ADGRD1: variants seen among roughly 807,000 people sequenced by gnomAD.
ADGRD1 encodes the protein G-protein coupled receptor 133.
ADGRD1 carries 77 observed loss-of-function variants against 113.4 expected under a neutral mutation model. The observed-to-expected ratio is 0.68, with a 90% CI of 0.57 to 0.82. The LOEUF is 0.82. ADGRD1 is among the 40% of genes least tolerant of loss of function. ADGRD1 has a pLI of 0.00. For missense variants in ADGRD1, 1,036 were observed against 1,139.1 expected, an observed-to-expected ratio of 0.91 and a Z score of 1.30; for synonymous variants, 474 against 475.0, an observed-to-expected ratio of 1.00 and a Z score of 0.03.
chr12:130,972,541 C>T (rs1871798235), intron 4 of ADGRD1, among the ~76,000 whole-genome samples: 2 of 152,114 alleles, frequency 1.3e-5, no homozygotes, highest in African/African-American at 4.8e-5. Context: ...AAACCACGGT[C>T]AGGTTTACAA....
intron 13 of ADGRD1, among the ~76,000 whole-genome samples, chr12:131,018,576 A>G (rs1878926050): frequency 6.6e-6 from 1 of 152,176 alleles, no homozygotes; most frequent in Non-Finnish European, 1.5e-5. Flanking sequence ...ATGTTAAACA[A>G]TCCCGCTCTT....
intron 15 of ADGRD1, among the ~76,000 whole-genome samples, chr12:131,101,395 T>C (rs1184471673): frequency 2.3e-5 from 3 of 128,026 alleles, no homozygotes; most frequent in Non-Finnish European, 4.9e-5. Context: ...TTTTTTTTTT[T>C]TTTTTTTTTG....
chr12:131,135,969 G>C, intron 21 of ADGRD1, 68 bp from the exon 22 acceptor site: 3 of 1,575,954 alleles, frequency 1.9e-6, no homozygotes, highest in Admixed American at 3.4e-5. Context: ...CTGGCGTCTC[G>C]AGGGCAGTCC....
chr12:130,963,266 G>T (rs1435527799), intron 2 of ADGRD1, among the ~76,000 whole-genome samples: 4 of 144,826 alleles, frequency 2.8e-5, no homozygotes, highest in Non-Finnish European at 5.9e-5. Context: ...CTTGCAGTGA[G>T]CCGAGATCGC....
chr12:131,023,737 A>T (rs936665836), intron 13 of ADGRD1: 1 of 152,182 alleles, frequency 6.6e-6, no homozygotes, highest in African/African-American at 2.4e-5. Flanking sequence ...CATATTTTGT[A>T]TAAATAACTT....
At chr12:131,078,167 C>G (rs1018776356) in intron 14 of ADGRD1, among the ~76,000 whole-genome samples, 1 of 152,248 alleles carries the variant, frequency 6.6e-6, no homozygotes, top group African/African-American at 2.4e-5. Context: ...TCTCTGCTCC[C>G]TGCACCCAGA....
In ADGRD1 at chr12:131,075,881, C is replaced by T. The variant is rs565220615; in HGVS notation, c.1474-920C>T. On this transcript the variant is annotated intron_variant, in intron 13 of 24. Transcript: ENST00000261654. This position sits in a 1 kb window ranked among gnomAD's most constrained non-coding sequence, Gnocchi z 5.3. ...ATGGGTCACAGAACAGAGCAGGCAT[C>T]GGACAAATAAGAGATGCTTGACTTG... 6.6e-6 allele frequency among the ~76,000 whole-genome samples: 1 copy of T among 152,302 alleles called. No individual in the cohort carries two copies. The highest frequency in any genetic ancestry group is 1.5e-5 in the Non-Finnish European group (1 of 68,028).
At chr12:131,074,836 G>A (rs1885456729) in intron 13 of ADGRD1, among the ~76,000 whole-genome samples, 1 of 152,216 alleles carries the variant, frequency 6.6e-6, no homozygotes, top group Non-Finnish European at 1.5e-5. Context: ...AGATCCAAGA[G>A]GAAGCTAGCT....
chr12:131,116,658 C>A (rs1950471716), intron 18 of ADGRD1, among the ~76,000 whole-genome samples: 3 of 152,220 alleles, frequency 2.0e-5, no homozygotes, highest in Admixed American at 2.0e-4. Context: ...TCTTCGTGCA[C>A]TTCCATCCCC....
intron 4 of ADGRD1, among the ~76,000 whole-genome samples, chr12:130,974,338 ATACTG>A (rs760085285): frequency 1.4e-3 from 208 of 152,348 alleles, no homozygotes; most frequent in Admixed American, 2.4e-3. Context: ...TTATTTTAAT[ATACTG>A]GGCGCATCAG....
At chr12:130,979,819 A>T (rs1488783439) in intron 4 of ADGRD1, among the ~76,000 whole-genome samples, 9 of 11,110 alleles carry the variant, frequency 8.1e-4, no homozygotes, top group South Asian at 5.7e-3. Context: ...CTAGTGTCTC[A>T]CACACACACA....
intron 13 of ADGRD1, among the ~76,000 whole-genome samples, chr12:131,045,113 C>T (rs992573970): frequency 5.9e-5 from 9 of 152,240 alleles, no homozygotes; most frequent in African/African-American, 1.7e-4. Context: ...CAGGGGGCCT[C>T]CAGGCAGGCA....
chr12:131,033,930 C>T (rs1420600192), intron 13 of ADGRD1, among the ~76,000 whole-genome samples: 2 of 152,152 alleles, frequency 1.3e-5, no homozygotes, highest in South Asian at 2.1e-4. Flanking sequence ...CACCCTCTGC[C>T]AGTCCTCCCC....
intron 13 of ADGRD1, among the ~76,000 whole-genome samples, chr12:131,062,715 A>G (rs1264446008): frequency 6.6e-6 from 1 of 152,212 alleles, no homozygotes; most frequent in African/African-American, 2.4e-5. Flanking sequence ...CTGTGAGTCC[A>G]TTAAACCTCT....
chr12:131,132,366 G>C (rs147589478), intron 21 of ADGRD1, among the ~76,000 whole-genome samples: 3 of 152,170 alleles, frequency 2.0e-5, no homozygotes, highest in Admixed American at 6.5e-5. Flanking sequence ...CACTGCCATC[G>C]GGGGTGTCCT....
At position 131,096,629 on chromosome 12, in the gene ADGRD1, G is replaced by T. The variant is rs564140830; in HGVS notation, c.1672-8202G>T. ...TTCCCGTGGGGCACTGCTGGTCCAG[G>T]TTTACATCCCGCCTCCATCTGTGAG... is the stretch of plus-strand genomic sequence containing the variant. On this transcript the variant is annotated intron_variant, in intron 15 of 24. Coordinates refer to ENST00000261654, the MANE Select transcript of ADGRD1 (RefSeq NM_198827.5). The surrounding 1 kb of genome is among the most constrained non-coding windows in gnomAD (Gnocchi z 5.2). Among the ~76,000 whole-genome samples the T allele has an allele frequency of 6.6e-6, 1 of 151,410 alleles. No homozygotes were observed. Among genetic ancestry groups the T allele is most frequent in the South Asian group, 2.1e-4 (1 of 4,710 alleles).
intron 13 of ADGRD1, among the ~76,000 whole-genome samples, chr12:131,044,185 A>C (rs1298601545): frequency 3.3e-5 from 5 of 152,212 alleles, no homozygotes; most frequent in Non-Finnish European, 5.9e-5. Context: ...GCAGCTGTGA[A>C]GTCCTAGCTA....
chr12:130,964,301 T>C (rs1870754127), intron 2 of ADGRD1, among the ~76,000 whole-genome samples: 1 of 152,188 alleles, frequency 6.6e-6, no homozygotes, highest in Non-Finnish European at 1.5e-5. Flanking sequence ...ATTGTTCTGG[T>C]ATAAAGAGTG....
At chr12:131,076,187 G>A (rs142416179) in intron 13 of ADGRD1, among the ~76,000 whole-genome samples, 2 of 152,350 alleles carry the variant, frequency 1.3e-5, no homozygotes, top group Non-Finnish European at 2.9e-5. Flanking sequence ...AGCACCTGCT[G>A]TATGCCAGAT....
Sources: allele counts gnomAD v4.1 joint callset (sites outside exome capture counted in the v4.1 genomes callset), GRCh38; gene constraint gnomAD v4.1.1; non-coding constraint Gnocchi (gnomAD v3.1); transcripts MANE v1.5; gene names NCBI Gene and HGNC (gene_info 2026-07-23, HGNC 2026-07-21).